The following DEFB109B variants were observed in gnomAD, a reference collection of about 807,000 sequenced individuals.
The protein encoded by DEFB109B is beta-defensin 109B.
intron 1 of DEFB109B, among the ~76,000 whole-genome samples, chr8:7,317,594 ATT>A (rs1803039284): frequency 2.6e-5 from 3 of 117,608 alleles, no homozygotes; most frequent in Non-Finnish European, 5.0e-5. Context: ...TCTTTCTTTC[ATT>A]CTAATCACAC....
chr8:7,319,656 C>A lies in DEFB109B; in HGVS notation n.59-90C>A, dbSNP rs199961257. The A allele has an allele frequency of 2.3e-4, 34 of 146,058 alleles. 2 individuals carry two copies. Among genetic ancestry groups the A allele is most frequent in the Non-Finnish European group, 4.1e-4 (28 of 67,872 alleles). The allele number at this position is 146,058 out of a possible 1,614,324, so 9.0% of individuals were successfully genotyped here. ...TCAAGAGCTCCCACATAAAAACGTT[C>A]ATACTAAATTTATTCTGTTACTTAA... On this transcript the variant is annotated intron_variant and non_coding_transcript_variant, in intron 1 of 1. Coordinates refer to ENST00000382656, the Ensembl canonical transcript of DEFB109B.
At chr8:7,317,739 G>GGA (rs1803051379) in intron 1 of DEFB109B, among the ~76,000 whole-genome samples, 1 of 18,156 alleles carries the variant, frequency 5.5e-5, no homozygotes, top group African/African-American at 3.7e-4. Context: ...AAGGTGAGAG[G>GGA]AAACAATGGG....
chr8:7,318,926 T>G (rs1400636353), intron 1 of DEFB109B: 1 of 146,360 alleles, frequency 6.8e-6, no homozygotes, highest in Non-Finnish European at 1.5e-5. Context: ...AACACTTTTT[T>G]CTAACTAATC....
intron 1 of DEFB109B, among the ~76,000 whole-genome samples, chr8:7,316,840 A>C (rs1320515096): frequency 3.2e-4 from 42 of 129,458 alleles, no homozygotes; most frequent in Non-Finnish European, 9.1e-5. Flanking sequence ...ACAAGTTTTC[A>C]CCATCTTGGG....
intron 1 of DEFB109B, among the ~76,000 whole-genome samples, chr8:7,315,302 G>A (rs71509284): frequency 0.039 from 5,054 of 129,454 alleles, 237 homozygotes; most frequent in Middle Eastern, 0.1. Flanking sequence ...CAGATCACGA[G>A]GTCAGTGGCT....
upstream of DEFB109B, among the ~76,000 whole-genome samples, chr8:7,310,591 G>C (rs1563236927): frequency 7.1e-6 from 1 of 141,642 alleles, no homozygotes; most frequent in East Asian, 1.9e-4. Context: ...CTGTGTGTGT[G>C]TGTGTGTGTG....
At chr8:7,313,692 T>TG (rs1802760989) in intron 1 of DEFB109B, among the ~76,000 whole-genome samples, 1 of 140,082 alleles carries the variant, frequency 7.1e-6, no homozygotes, top group African/African-American at 3.2e-5. Flanking sequence ...TGGGGGCTTT[T>TG]GGAAAAAAAA....
At chr8:7,310,568 G>A (rs1418936852), upstream of DEFB109B, among the ~76,000 whole-genome samples, 2 of 138,380 alleles carry the variant, frequency 1.4e-5, no homozygotes, top group East Asian at 2.0e-4. Context: ...CTGCACCTCT[G>A]CCTTAGGTAA....
downstream of DEFB109B, chr8:7,320,011 A>G (rs1351484530): frequency 2.7e-5 from 1 of 37,220 alleles, no homozygotes; most frequent in Admixed American, 2.9e-4. Flanking sequence ...GAATATTAAA[A>G]TATACATATT....
intron 1 of DEFB109B, among the ~76,000 whole-genome samples, chr8:7,316,799 A>ATATATG (rs1226052003): frequency 7.6e-6 from 1 of 132,422 alleles, no homozygotes; most frequent in African/African-American, 3.9e-5. Flanking sequence ...GCTAATATAT[A>ATATATG]TATATATATA....
intron 1 of DEFB109B, among the ~76,000 whole-genome samples, chr8:7,315,278 G>T (rs1802830565): frequency 1.6e-5 from 2 of 128,380 alleles, no homozygotes; most frequent in Admixed American, 1.4e-4. Context: ...AGCACTTTGG[G>T]AGGCCGAGGC....
intron 1 of DEFB109B, among the ~76,000 whole-genome samples, chr8:7,315,908 T>A (rs1198942010): frequency 1.8e-5 from 2 of 108,212 alleles, no homozygotes; most frequent in Non-Finnish European, 3.4e-5. Context: ...TTCTAAATTC[T>A]AAACAAAAGT....
At chr8:7,309,722 G>T (rs1038472305), upstream of DEFB109B, among the ~76,000 whole-genome samples, 2 of 143,866 alleles carry the variant, frequency 1.4e-5, no homozygotes, top group Non-Finnish European at 3.0e-5. Context: ...ATCCTAAGTA[G>T]ATCAGAAAAT....
intron 1 of DEFB109B, chr8:7,319,253 G>C (rs186099642): frequency 9.3e-6 from 1 of 107,984 alleles, no homozygotes; most frequent in East Asian, 2.3e-4. Context: ...AAAAAAAAGA[G>C]AGAGAGAGAG....
downstream of DEFB109B, chr8:7,320,044 G>A (rs879068989): frequency 0.018 from 358 of 19,392 alleles, 8 homozygotes; most frequent in Middle Eastern, 0.028. Context: ...CTTGATAACC[G>A]TCTTGCATTT....
chr8:7,314,974 C>A (rs986730520), intron 1 of DEFB109B, among the ~76,000 whole-genome samples: 1 of 3,104 alleles, frequency 3.2e-4, no homozygotes, highest in East Asian at 2.4e-3. Context: ...CCCTGCCCTG[C>A]CTTCAGACCT....
chr8:7,310,588 T>G (rs145921944), upstream of DEFB109B, among the ~76,000 whole-genome samples: 3,997 of 140,884 alleles, frequency 0.028, 759 homozygotes, highest in African/African-American at 0.12. Flanking sequence ...ATACTGTGTG[T>G]GTGTGTGTGT....
At chr8:7,315,693 A>G (rs1194521252) in intron 1 of DEFB109B, among the ~76,000 whole-genome samples, 3 of 135,850 alleles carry the variant, frequency 2.2e-5, no homozygotes, top group Admixed American at 6.9e-5. Context: ...CATCAAGGGC[A>G]GCTTCCTCCT....
rs1163066732 is a variant in DEFB109B, at chr8:7,315,513, AG to A, written n.58+2611del. On this transcript the variant is annotated intron_variant and non_coding_transcript_variant, in intron 1 of 1. Coordinates refer to ENST00000382656, the Ensembl canonical transcript of DEFB109B. ...GACTCCGTCAAAAAAAAAAAAAAAA[AG>A]AAGAAGAAGAATAAAGAAAGAAAGA... Among the ~76,000 whole-genome samples, 87 of 109,784 alleles carry A rather than the reference AG, an allele frequency of 7.9e-4. 1 individual carries two copies. The highest frequency in any genetic ancestry group is 1.2e-3 in the Non-Finnish European group (62 of 53,718). The allele number at this position is 109,784 out of a possible 152,430, so 72.0% of individuals were successfully genotyped here.
Sources: allele counts gnomAD v4.1 joint callset (sites outside exome capture counted in the v4.1 genomes callset), GRCh38; gene constraint gnomAD v4.1.1; transcripts MANE v1.5; gene names NCBI Gene and HGNC (gene_info 2026-07-23, HGNC 2026-07-21).